The following RANBP2 variants were observed in gnomAD, a reference collection of about 807,000 sequenced individuals.
RANBP2 encodes the protein RAN binding protein 2, also known as E3 SUMO-protein ligase RanBP2.
RANBP2 carries 57 observed loss-of-function variants against 303.6 expected under a neutral mutation model. That is an observed-to-expected ratio of 0.19 (90% confidence interval 0.15 to 0.23). The LOEUF is 0.23. Among genes scored for constraint, RANBP2 ranks in the 10% least tolerant of loss-of-function variants. The pLI, the probability that RANBP2 is intolerant of heterozygous loss-of-function variation, is 1.00. For synonymous variants in RANBP2, 1,167 were observed against 1,301.5 expected (o/e 0.90, Z 2.23); for missense variants, 3,138 against 3,780.8 (o/e 0.83, Z 4.46).
the RANBP2 span, among the ~76,000 whole-genome samples, chr2:109,667,487 C>A: frequency 1.3e-5 from 2 of 152,282 alleles, no homozygotes; most frequent in Middle Eastern, 3.4e-3. Context: ...CTGCCCTGTG[C>A]ATTTTAATGT....
the RANBP2 span, among the ~76,000 whole-genome samples, chr2:109,587,453 G>C: frequency 3.3e-5 from 5 of 152,032 alleles, no homozygotes; most frequent in African/African-American, 4.8e-5. Context: ...GTGAAAGTGG[G>C]GGGTAGGAGG....
rs1314885626 is a variant in RANBP2, at chr2:108,735,692, A to G, written c.566A>G (p.His189Arg). Reference sequence around the variant, plus strand: ...TTGAAGGATGCTGTGGCCCACTGCCATGAGGCAGAGAGGAACATAGCTTTG... The same window carrying G: ...TTGAAGGATGCTGTGGCCCACTGCCGTGAGGCAGAGAGGAACATAGCTTTG... ...KRLKDAVAHC[H>R]EAERNIALRS... Residue 189 changes from histidine to arginine, a missense_variant, in exon 5 of 29, where the codon CAT (histidine) becomes CGT (arginine). By Grantham distance (29) the His-to-Arg change is conservative (BLOSUM62 0). Around this residue, in one of 20 missense-constraint regions of RANBP2, gnomAD observed 306 missense variants for 381.9 expected, o/e 0.80. Transcript: ENST00000283195. 2 of 1,597,488 alleles carry G rather than the reference A, an allele frequency of 1.3e-6. No individual in the cohort carries two copies. Among genetic ancestry groups the G allele is most frequent in the African/African-American group, 1.3e-5 (1 of 74,864 alleles).
the RANBP2 span, among the ~76,000 whole-genome samples, chr2:109,181,175 T>A: frequency 6.6e-5 from 10 of 152,194 alleles, no homozygotes; most frequent in South Asian, 1.0e-3. Flanking sequence ...TGTGTCAGAG[T>A]TTTTCAAATA....
chr2:109,487,165 C>T, the RANBP2 span, among the ~76,000 whole-genome samples: 1 of 152,202 alleles, frequency 6.6e-6, no homozygotes. Flanking sequence ...AGGAGAAACC[C>T]AGCAAATCCA....
the RANBP2 span, among the ~76,000 whole-genome samples, chr2:109,735,619 G>A: frequency 2.0e-5 from 3 of 152,028 alleles, no homozygotes; most frequent in East Asian, 1.9e-4. Flanking sequence ...TTTTAAATCT[G>A]GGACTAGTTA....
At chr2:109,049,052 G>A in the RANBP2 span, among the ~76,000 whole-genome samples, 1 of 152,202 alleles carries the variant, frequency 6.6e-6, no homozygotes, top group East Asian at 1.9e-4. Flanking sequence ...GGGGAAGAAA[G>A]AAAACAGTTT....
At chr2:108,825,491 G>A in the RANBP2 span, among the ~76,000 whole-genome samples, 1 of 151,596 alleles carries the variant, frequency 6.6e-6, no homozygotes. Context: ...TCCAGTCCTA[G>A]GCAACCACTA....
chr2:109,563,974 A>C, the RANBP2 span, among the ~76,000 whole-genome samples: 1 of 152,210 alleles, frequency 6.6e-6, no homozygotes, highest in South Asian at 2.1e-4. Context: ...TAAATAAATA[A>C]AACTAAGAAA....
the RANBP2 span, among the ~76,000 whole-genome samples, chr2:109,411,519 A>G: frequency 1.3e-5 from 2 of 152,282 alleles, no homozygotes; most frequent in African/African-American, 4.8e-5. Flanking sequence ...GCTCGTTTGC[A>G]TCCGTAGCAA....
At chr2:108,818,054 C>T in the RANBP2 span, among the ~76,000 whole-genome samples, 2 of 152,078 alleles carry the variant, frequency 1.3e-5, no homozygotes, top group Non-Finnish European at 2.9e-5. Flanking sequence ...ACCTGTAATC[C>T]TTGCACTTCG....
intron 23 of RANBP2, among the ~76,000 whole-genome samples, chr2:108,773,938 C>T (rs961459900): frequency 2.0e-5 from 3 of 152,106 alleles, no homozygotes; most frequent in African/African-American, 4.8e-5. Context: ...TGAGCCACCG[C>T]GCCTGGCCAG....
chr2:109,349,066 CAG>C, the RANBP2 span, among the ~76,000 whole-genome samples: 1 of 152,098 alleles, frequency 6.6e-6, no homozygotes, highest in South Asian at 2.1e-4. Flanking sequence ...TTGTAAATAA[CAG>C]AACTAGAATT....
the RANBP2 span, among the ~76,000 whole-genome samples, chr2:108,842,904 CAGA>C: frequency 5.3e-5 from 8 of 152,156 alleles, no homozygotes; most frequent in African/African-American, 1.4e-4. Flanking sequence ...GAATAAAGCA[CAGA>C]AGCTTTACTT....
the RANBP2 span, chr2:109,504,493 T>TCA: frequency 6.9e-6 from 1 of 144,534 alleles, no homozygotes; most frequent in East Asian, 1.9e-4. Context: ...TTTGCACAGT[T>TCA]CACACACACA....
chr2:108,947,325 T>G, the RANBP2 span, among the ~76,000 whole-genome samples: 7 of 152,124 alleles, frequency 4.6e-5, no homozygotes, highest in Admixed American at 1.3e-4. Context: ...TGAGTGCCTG[T>G]GGATTTTCCA....
the RANBP2 span, among the ~76,000 whole-genome samples, chr2:109,706,316 G>A: frequency 3.9e-5 from 6 of 152,208 alleles, no homozygotes; most frequent in Admixed American, 6.5e-5. Context: ...GAAAGGCCAC[G>A]TGACTTCTCC....
At chr2:109,574,244 A>G in the RANBP2 span, among the ~76,000 whole-genome samples, 3 of 151,610 alleles carry the variant, frequency 2.0e-5, no homozygotes, top group Non-Finnish European at 2.9e-5. Context: ...TTTGAGACCA[A>G]CTGGGCAACA....
At chr2:109,183,128 C>T in the RANBP2 span, among the ~76,000 whole-genome samples, 1 of 152,154 alleles carries the variant, frequency 6.6e-6, no homozygotes, top group South Asian at 2.1e-4. Context: ...AGATTGTGTA[C>T]AAAACTGTCC....
the RANBP2 span, among the ~76,000 whole-genome samples, chr2:109,701,099 CAGA>C: frequency 6.6e-6 from 1 of 152,166 alleles, no homozygotes; most frequent in African/African-American, 2.4e-5. Flanking sequence ...GCTTGCTTTA[CAGA>C]AGGAGAGACT....
Sources: gnomAD v4.1 joint callset for allele counts (sites outside exome capture counted in the v4.1 genomes callset) on GRCh38, gnomAD v4.1.1 for gene constraint, gnomAD v4.1.1 regional missense constraint, MANE v1.5 for transcripts, NCBI Gene and HGNC (gene_info 2026-07-23, HGNC 2026-07-21) for gene names.